Variants in PRELID2 observed in about 807,000 individuals in gnomAD.
PRELID2 encodes PRELI domain containing 2.
PRELID2 carries 25 observed loss-of-function variants against 28.4 expected under a neutral mutation model. The observed-to-expected ratio is 0.88, with a 90% CI of 0.64 to 1.23. The LOEUF (loss-of-function observed/expected upper bound fraction) is 1.23. PRELID2 is among the 50% of genes most tolerant of loss of function. The probability of loss-of-function intolerance (pLI) is 0.00; values close to 1 mark genes in which losing one functional copy is unlikely to be tolerated. For missense variants in PRELID2, 201 were observed against 214.4 expected (o/e 0.94, Z 0.39); for synonymous variants, 76 against 71.6 (o/e 1.06, Z -0.31).
At chr5:145,701,521 A>C (rs1001702799) in intron 1 of PRELID2, among the ~76,000 whole-genome samples, 1 of 152,222 alleles carries the variant, frequency 6.6e-6, no homozygotes, top group East Asian at 1.9e-4. Context: ...CAAGTCTCCT[A>C]ATGACTATCG....
chr5:145,466,955 A>G (rs1314898397), downstream of PRELID2, among the ~76,000 whole-genome samples: 1 of 152,126 alleles, frequency 6.6e-6, no homozygotes, highest in Non-Finnish European at 1.5e-5. Context: ...CTAAAGAAAT[A>G]TATGTTACCA....
At chr5:145,636,848 C>T (rs1009457379) in intron 1 of PRELID2, among the ~76,000 whole-genome samples, 6 of 152,230 alleles carry the variant, frequency 3.9e-5, no homozygotes, top group Non-Finnish European at 2.9e-5. Flanking sequence ...AGAAGCATTA[C>T]TGAATTATTA....
chr5:145,815,997 C>T (rs565040161), intron 4 of PRELID2, among the ~76,000 whole-genome samples: 7 of 151,448 alleles, frequency 4.6e-5, no homozygotes, highest in African/African-American at 1.7e-4. Flanking sequence ...AGCAGCTGCA[C>T]CATTTTATAT....
intron 1 of PRELID2, among the ~76,000 whole-genome samples, chr5:145,661,575 A>C (rs1581035710): frequency 6.6e-6 from 1 of 151,846 alleles, no homozygotes; most frequent in East Asian, 1.9e-4. Context: ...GGAAACCTCT[A>C]AACCAAAGGT....
chr5:145,724,235 A>T (rs2149719894), intron 1 of PRELID2, among the ~76,000 whole-genome samples: 1 of 152,220 alleles, frequency 6.6e-6, no homozygotes, highest in East Asian at 1.9e-4. Context: ...TCCCCTTGAT[A>T]TGATGTTCTG....
At chr5:145,343,633 C>A in the PRELID2 span, among the ~76,000 whole-genome samples, 1 of 151,534 alleles carries the variant, frequency 6.6e-6, no homozygotes, top group African/African-American at 2.4e-5. Context: ...TCAAACCATA[C>A]CCAAAATTAG....
At chr5:145,514,993 A>G (rs757590652) in intron 1 of PRELID2, among the ~76,000 whole-genome samples, 1 of 152,242 alleles carries the variant, frequency 6.6e-6, no homozygotes, top group Non-Finnish European at 1.5e-5. Context: ...AATCTCTAGG[A>G]CATAGCTGAA....
At chr5:145,428,382 A>G in the PRELID2 span, among the ~76,000 whole-genome samples, 1 of 152,190 alleles carries the variant, frequency 6.6e-6, no homozygotes, top group Non-Finnish European at 1.5e-5. Context: ...TCATTCATTT[A>G]TAAAACACTT....
At chr5:145,584,605 C>T (rs550077058) in intron 1 of PRELID2, among the ~76,000 whole-genome samples, 1 of 152,056 alleles carries the variant, frequency 6.6e-6, no homozygotes, top group African/African-American at 2.4e-5. Flanking sequence ...ACAAACAACC[C>T]CACTAAAAAG....
chr5:145,384,768 C>A, the PRELID2 span, among the ~76,000 whole-genome samples: 3 of 152,116 alleles, frequency 2.0e-5, no homozygotes, highest in African/African-American at 4.8e-5. Flanking sequence ...ATGGCAAAAG[C>A]AGGAGGCAGA....
At chr5:145,486,926 T>C (rs1752223177) in intron 1 of PRELID2, among the ~76,000 whole-genome samples, 1 of 148,282 alleles carries the variant, frequency 6.7e-6, no homozygotes, top group Admixed American at 6.7e-5. Context: ...AAATGATGAG[T>C]TCATGTCCTT....
In PRELID2 at chr5:145,662,505, C is replaced by T. The variant is rs570826303; in HGVS notation, n.70+102426G>A. ...TTTTGTCTTTGCTATAGTTTGAATG[C>T]CCCCTTCAAAACTCATGTTGAAACT... On this transcript the variant is annotated intron_variant and non_coding_transcript_variant, in intron 1 of 2. Coordinates refer to the PRELID2 transcript ENST00000510259. 7.0e-4 allele frequency among the ~76,000 whole-genome samples: 106 copies of T among 152,188 alleles called. No homozygotes were observed. The South Asian group carries it at 0.021, about 31-fold the overall frequency.
Position 145,478,114 on chromosome 5 carries a change from A to G in PRELID2, n.71-4799T>C, listed in dbSNP as rs117540010. 8.5e-4 allele frequency among the ~76,000 whole-genome samples: 129 copies of G among 152,120 alleles called. 1 individual carries two copies. In the East Asian group the frequency reaches 0.021, roughly 25 times the overall value. Reference sequence around the variant, plus strand: ...TACTTGTTCATTTCCATCTCTCACCACTCGAGCCCTTGTTCTACTGTCTAG... The same window carrying G: ...TACTTGTTCATTTCCATCTCTCACCGCTCGAGCCCTTGTTCTACTGTCTAG... On this transcript the variant is annotated intron_variant and non_coding_transcript_variant, in intron 1 of 2. Transcript: ENST00000510259.
chr5:145,650,776 T>G (rs1754282280), intron 1 of PRELID2, among the ~76,000 whole-genome samples: 1 of 152,140 alleles, frequency 6.6e-6, no homozygotes, highest in East Asian at 1.9e-4. Context: ...TGACACAGAC[T>G]TGGTTCCAAG....
intron 1 of PRELID2, among the ~76,000 whole-genome samples, chr5:145,750,785 A>T (rs1757104826): frequency 6.6e-6 from 1 of 152,238 alleles, no homozygotes; most frequent in African/African-American, 2.4e-5. Context: ...GTGTTATTGG[A>T]AATGGTAAGA....
the PRELID2 span, among the ~76,000 whole-genome samples, chr5:145,392,461 G>A: frequency 6.6e-6 from 1 of 152,052 alleles, no homozygotes; most frequent in Non-Finnish European, 1.5e-5. Context: ...GAGGATTATG[G>A]TAACTACAAA....
downstream of PRELID2, among the ~76,000 whole-genome samples, chr5:145,753,065 T>C (rs62392325): frequency 0.022 from 3,326 of 152,312 alleles, 55 homozygotes; most frequent in Non-Finnish European, 0.032. Flanking sequence ...GTTCGCATTT[T>C]CTCCTTTGTC....
the PRELID2 span, among the ~76,000 whole-genome samples, chr5:145,434,260 A>G: frequency 6.6e-6 from 1 of 152,196 alleles, no homozygotes; most frequent in East Asian, 1.9e-4. Context: ...ACACACTGCT[A>G]CTAAATCATT....
In PRELID2 at chr5:145,759,790, T is replaced by TA. The variant is rs1304768415; in HGVS notation, c.*745dup. On this transcript the variant is annotated 3_prime_UTR_variant, in exon 7 of 7. Transcript: ENST00000683046. ...TGCCTGATTATCCCCATTTGCCCAA[T>TA]AAAAAACAGAGAGGTTAATGATTTG... The TA allele has an allele frequency of 2.0e-5, 3 of 152,020 alleles. No homozygotes were observed. The highest frequency in any genetic ancestry group is 7.2e-5 in the African/African-American group (3 of 41,400). The allele number at this position is 152,020 out of a possible 1,614,324, so 9.4% of individuals were successfully genotyped here. A position where few individuals can be genotyped will look rare whatever the true frequency, so the allele number is the denominator to read the frequency against.
Sources: gnomAD v4.1 joint callset for allele counts (sites outside exome capture counted in the v4.1 genomes callset) on GRCh38, gnomAD v4.1.1 for gene constraint, MANE v1.5 for transcripts, NCBI Gene and HGNC (gene_info 2026-07-23, HGNC 2026-07-21) for gene names.